The following SORCS1 variants were observed in gnomAD, a reference collection of about 807,000 sequenced individuals.
SORCS1 encodes sortilin related VPS10 domain containing receptor 1, also known as VPS10 domain-containing receptor SorCS1.
SORCS1 carries 60 observed loss-of-function variants against 146.1 expected under a neutral mutation model. That is an observed-to-expected ratio of 0.41 (90% confidence interval 0.33 to 0.51). The LOEUF is 0.51. SORCS1 is among the 20% of genes least tolerant of loss of function. The pLI is 0.21. For missense variants in SORCS1, 1,352 were observed against 1,487.6 expected (o/e 0.91, Z 1.50); for synonymous variants, 637 against 584.0 (o/e 1.09, Z -1.31).
chr10:107,006,554 A>C (rs1219225134), intron 1 of SORCS1, among the ~76,000 whole-genome samples: 1 of 152,240 alleles, frequency 6.6e-6, no homozygotes, highest in Non-Finnish European at 1.5e-5. Context: ...ATGGTGGCTC[A>C]CGCCTGTAAT....
At chr10:107,062,315 T>C (rs567625442) in intron 1 of SORCS1, among the ~76,000 whole-genome samples, 1 of 152,274 alleles carries the variant, frequency 6.6e-6, no homozygotes, top group African/African-American at 2.4e-5. Context: ...TTTAATTTAT[T>C]AATATTTCAA....
chr10:106,785,289 C>T (rs748679835), intron 3 of SORCS1, among the ~76,000 whole-genome samples: 7 of 152,210 alleles, frequency 4.6e-5, no homozygotes, highest in South Asian at 2.1e-4. Context: ...GACTCGCTAT[C>T]ACCTGTTCTT....
chr10:106,999,873 A>T (rs904200352), intron 1 of SORCS1, among the ~76,000 whole-genome samples: 1 of 152,204 alleles, frequency 6.6e-6, no homozygotes, highest in South Asian at 2.1e-4. Context: ...ATTCTTCTTA[A>T]GAGTAACATT....
At chr10:106,643,364 T>TGTCTCTTCATTCTGC (rs1008265324) in intron 18 of SORCS1, among the ~76,000 whole-genome samples, 1 of 152,240 alleles carries the variant, frequency 6.6e-6, no homozygotes, top group African/African-American at 2.4e-5. Context: ...AGACACTCTG[T>TGTCTCTTCATTCTGC]GTCTCTTCAT....
chr10:106,671,365 C>T lies in SORCS1; in HGVS notation c.2061G>A (p.Gly687=), dbSNP rs1347586813. 1 of 1,613,880 alleles carries T rather than the reference C, an allele frequency of 6.2e-7. No homozygotes were observed. The highest frequency in any genetic ancestry group is 2.2e-5 in the East Asian group (1 of 44,878). The change falls in exon 16 of 26, where the codon GGG becomes GGA. Residue 687 remains glycine, a splice_region_variant and synonymous_variant. Coordinates refer to ENST00000263054, the MANE Select transcript of SORCS1 (RefSeq NM_052918.5). ...TTTTTGCTCCCATGATACATGCTTC[C>T]CCCTGTAAGCAGAGAAGGATCACAG... ...DYRPWQLHSQ[G]EACIMGAKRI...
intron 18 of SORCS1, among the ~76,000 whole-genome samples, chr10:106,648,489 C>T (rs574635268): frequency 6.6e-6 from 1 of 152,124 alleles, no homozygotes; most frequent in Non-Finnish European, 1.5e-5. Flanking sequence ...TTTTAAATCC[C>T]ACAGCTGATT....
At chr10:106,838,682 T>C (rs1435034165) in intron 2 of SORCS1, among the ~76,000 whole-genome samples, 2 of 152,252 alleles carry the variant, frequency 1.3e-5, no homozygotes, top group Non-Finnish European at 2.9e-5. Flanking sequence ...TAGGCATACC[T>C]TGTTTTATTG....
At chr10:107,041,469 A>G (rs1284536112) in intron 1 of SORCS1, among the ~76,000 whole-genome samples, 2 of 152,102 alleles carry the variant, frequency 1.3e-5, no homozygotes, top group African/African-American at 2.4e-5. Flanking sequence ...ATTAGGATCC[A>G]AGGGGGCCTG....
chr10:107,060,572 CA>C lies in SORCS1; in HGVS notation c.558+103396del, dbSNP rs1961099446. 1.3e-5 allele frequency among the ~76,000 whole-genome samples: 2 copies of C among 152,134 alleles called. No individual in the cohort carries two copies. The highest frequency in any genetic ancestry group is 6.6e-5 in the Admixed American group (1 of 15,262). On this transcript the variant is annotated intron_variant, in intron 1 of 25. Transcript: ENST00000263054. This position sits in a 1 kb window ranked among gnomAD's most constrained non-coding sequence, Gnocchi z 4.1. ...AGGCCTCAAGGACCTTCCTTGGGAT[CA>C]AAGTCATTTTTCTGTGCTCAGGAAA...
intron 3 of SORCS1, among the ~76,000 whole-genome samples, chr10:106,784,440 G>A (rs1945956735): frequency 1.3e-5 from 2 of 151,230 alleles, no homozygotes; most frequent in Non-Finnish European, 1.5e-5. Flanking sequence ...GGGAAATAAT[G>A]ATGTACACAT....
intron 1 of SORCS1, among the ~76,000 whole-genome samples, chr10:107,152,992 C>A (rs1483824990): frequency 1.3e-5 from 2 of 152,078 alleles, no homozygotes; most frequent in African/African-American, 4.8e-5. Flanking sequence ...TCTCAATCTG[C>A]CTCTGCTCTC....
rs532991204 is a variant in SORCS1 at position 107,152,419 on chromosome 10, T to C, written c.558+11550A>G. Among the ~76,000 whole-genome samples, 63 of 152,230 alleles carry C rather than the reference T, an allele frequency of 4.1e-4. 2 individuals carry two copies. In the South Asian group the frequency reaches 0.013, roughly 31 times the overall value. On this transcript the variant is annotated intron_variant, in intron 1 of 25. Transcript: ENST00000263054. ...CACTATCCTCCATACCCCAGAATGGTAGATCCACCGACAACTTGTTCCATG... is the reference window on the plus strand; with the variant it reads ...CACTATCCTCCATACCCCAGAATGGCAGATCCACCGACAACTTGTTCCATG...
intron 1 of SORCS1, among the ~76,000 whole-genome samples, chr10:107,108,717 C>T (rs531900223): frequency 2.6e-5 from 4 of 152,228 alleles, no homozygotes; most frequent in African/African-American, 7.2e-5. Flanking sequence ...ACAGTCCCCC[C>T]GTCTTAACTC....
At chr10:106,867,235 G>T (rs758861116) in intron 2 of SORCS1, among the ~76,000 whole-genome samples, 10 of 152,026 alleles carry the variant, frequency 6.6e-5, no homozygotes, top group Admixed American at 3.3e-4. Context: ...GCTAACAGTA[G>T]ACCTCTCAGC....
intron 24 of SORCS1, among the ~76,000 whole-genome samples, chr10:106,589,274 G>A (rs1845448070): frequency 6.6e-6 from 1 of 152,112 alleles, no homozygotes; most frequent in Admixed American, 6.5e-5. Flanking sequence ...AAAAGTCAGT[G>A]TTGCCCCTTG....
At chr10:106,905,520 G>A (rs1401243926) in intron 2 of SORCS1, among the ~76,000 whole-genome samples, 2 of 152,062 alleles carry the variant, frequency 1.3e-5, no homozygotes, top group Non-Finnish European at 2.9e-5. Flanking sequence ...TCCCTACATT[G>A]CCCTGTTCAA....
intron 1 of SORCS1, among the ~76,000 whole-genome samples, chr10:107,066,910 C>G (rs1268366352): frequency 1.3e-5 from 2 of 152,186 alleles, no homozygotes; most frequent in Non-Finnish European, 2.9e-5. Context: ...AGTTAGCCAA[C>G]CCTAATACTA....
chr10:106,912,063 A>G (rs1049630673), intron 2 of SORCS1, among the ~76,000 whole-genome samples: 2 of 150,580 alleles, frequency 1.3e-5, no homozygotes, highest in African/African-American at 4.9e-5. Context: ...CAGTGAGCTG[A>G]GATCCTGCCA....
intron 5 of SORCS1, among the ~76,000 whole-genome samples, chr10:106,756,241 TAGAG>T (rs1359232631): frequency 6.6e-6 from 1 of 151,924 alleles, no homozygotes; most frequent in Non-Finnish European, 1.5e-5. Flanking sequence ...ACAAAACTAA[TAGAG>T]ATAGAAATAG....
Sources: gnomAD v4.1 joint callset for allele counts (sites outside exome capture counted in the v4.1 genomes callset) on GRCh38, gnomAD v4.1.1 for gene constraint, Gnocchi (gnomAD v3.1) non-coding constraint, MANE v1.5 for transcripts, NCBI Gene and HGNC (gene_info 2026-07-23, HGNC 2026-07-21) for gene names.